Variants in SYCP2L observed in about 807,000 individuals in gnomAD.
The protein encoded by SYCP2L is synaptonemal complex protein 2 like.
SYCP2L carries 98 observed loss-of-function variants against 125.8 expected under a neutral mutation model. The observed-to-expected ratio is 0.78, with a 90% CI of 0.66 to 0.92. The LOEUF is 0.92. Among genes scored for constraint, SYCP2L ranks in the 40% least tolerant of loss-of-function variants. The pLI is 0.00. For synonymous variants in SYCP2L, 317 were observed against 325.4 expected, an observed-to-expected ratio of 0.97 and a Z score of 0.28; for missense variants, 842 against 936.4, an observed-to-expected ratio of 0.90 and a Z score of 1.32.
intron 6 of SYCP2L, among the ~76,000 whole-genome samples, chr6:10,901,177 G>T (rs1348188461): frequency 6.6e-6 from 1 of 151,966 alleles, no homozygotes; most frequent in Admixed American, 6.6e-5. Flanking sequence ...TTATTTTACC[G>T]GTAGTTACCC....
intron 28 of SYCP2L, among the ~76,000 whole-genome samples, chr6:10,961,783 T>G (rs1327676516): frequency 6.6e-6 from 1 of 152,204 alleles, no homozygotes; most frequent in Admixed American, 6.5e-5. Context: ...TTTTCTGTGT[T>G]TTTTTAAAAT....
At chr6:10,889,784 A>T (rs1341200421) in intron 1 of SYCP2L, among the ~76,000 whole-genome samples, 2 of 151,664 alleles carry the variant, frequency 1.3e-5, no homozygotes, top group African/African-American at 4.8e-5. Context: ...CCCTGCCCGG[A>T]TAATTTTCTA....
At chr6:10,969,941 G>A (rs1394140763) in intron 29 of SYCP2L, among the ~76,000 whole-genome samples, 3 of 152,178 alleles carry the variant, frequency 2.0e-5, no homozygotes, top group Non-Finnish European at 4.4e-5. Context: ...TCATTACTCA[G>A]TAAACAGCTA....
At chr6:10,910,108 GA>G (rs1169996838) in intron 10 of SYCP2L, 39 bp from the exon 11 acceptor site, 2 of 1,564,918 alleles carry the variant, frequency 1.3e-6, no homozygotes, top group Middle Eastern at 1.7e-4. Context: ...AAGACATCTT[GA>G]TTTTTTTTTA....
At chr6:10,958,208 T>G (rs60771755) in intron 25 of SYCP2L, among the ~76,000 whole-genome samples, 8,583 of 140,920 alleles carry the variant, frequency 0.061, 741 homozygotes, top group African/African-American at 0.2. Flanking sequence ...ACTGGATAAT[T>G]TATTTTTTTT....
In SYCP2L at chr6:10,905,418, G is replaced by A. The variant is rs193207355; in HGVS notation, c.642-602G>A. ...AGAGATTCTCCTGCCTCAGCCTCCC[G>A]AGTAGCTGGGAATACAGGCATGTGC... is the stretch of plus-strand genomic sequence containing the variant. On this transcript the variant is annotated intron_variant, in intron 8 of 29. Coordinates refer to ENST00000283141, the MANE Select transcript of SYCP2L (RefSeq NM_001040274.3). 6.6e-3 allele frequency among the ~76,000 whole-genome samples: 998 copies of A among 151,776 alleles called. 6 individuals carry two copies. Among genetic ancestry groups the A allele is most frequent in the African/African-American group, 0.022 (931 of 41,414 alleles).
chr6:10,970,742 G>A (rs1246614872), intron 29 of SYCP2L, among the ~76,000 whole-genome samples: 21 of 152,176 alleles, frequency 1.4e-4, no homozygotes, highest in Admixed American at 1.3e-3. Context: ...CATCTGAATG[G>A]CATTGTCATG....
chr6:10,889,181 G>C (rs1355582896), intron 1 of SYCP2L, among the ~76,000 whole-genome samples: 1 of 152,128 alleles, frequency 6.6e-6, no homozygotes, highest in Non-Finnish European at 1.5e-5. Flanking sequence ...TTTAATTGTA[G>C]CTTTAGCTGT....
rs1339655056 is a variant in SYCP2L, at chr6:10,954,751, A to C, written c.1955-365A>C. On this transcript the variant is annotated intron_variant, in intron 23 of 29. Transcript: ENST00000283141. The surrounding 1 kb of genome is among the most constrained non-coding windows in gnomAD (Gnocchi z 4.8). The stretch of plus-strand genomic sequence containing the variant: ...CGGGGTGTGAGCTGAAGCACTTCCA[A>C]AGGCCCATCTGCCTGGAAACCTTGC... Among the ~76,000 whole-genome samples the C allele has an allele frequency of 3.9e-5, 6 of 152,138 alleles. No individual in the cohort carries two copies. The highest frequency in any genetic ancestry group is 7.4e-5 in the Non-Finnish European group (5 of 68,020).
intron 14 of SYCP2L, among the ~76,000 whole-genome samples, chr6:10,921,472 G>A (rs1226502691): frequency 2.6e-5 from 4 of 152,088 alleles, no homozygotes; most frequent in African/African-American, 4.8e-5. Context: ...TTCCACAATG[G>A]TTGAACTAAT....
intron 26 of SYCP2L, 55 bp downstream of exon 26, chr6:10,958,930 G>A (rs773853953): frequency 2.9e-5 from 43 of 1,491,404 alleles, no homozygotes; most frequent in Middle Eastern, 3.4e-4. Flanking sequence ...CACCAACAGC[G>A]TTTATCTCAT....
At chr6:10,921,178 A>G (rs532668717) in intron 14 of SYCP2L, among the ~76,000 whole-genome samples, 208 of 152,272 alleles carry the variant, frequency 1.4e-3, no homozygotes, top group African/African-American at 4.7e-3. Flanking sequence ...GATGGCTTCA[A>G]GCTCCATCCA....
chr6:10,901,590 A>T (rs1312956597), intron 6 of SYCP2L, among the ~76,000 whole-genome samples: 1 of 152,188 alleles, frequency 6.6e-6, no homozygotes, highest in Admixed American at 6.5e-5. Context: ...CCTGCGCATC[A>T]GAGGGTGTTT....
At chr6:10,888,096 TTTTTTTTTTTTTTTTTTTG>T in intron 1 of SYCP2L, among the ~76,000 whole-genome samples, 3 of 77,298 alleles carry the variant, frequency 3.9e-5, no homozygotes, top group East Asian at 6.9e-4. Context: ...TTTTTTTTTT[TTTTTTTTTTTTTTTTTTTG>T]AGACGGAGTC....
At chr6:10,909,375 G>T (rs1023591909) in intron 10 of SYCP2L, among the ~76,000 whole-genome samples, 8 of 152,160 alleles carry the variant, frequency 5.3e-5, no homozygotes, top group Non-Finnish European at 5.9e-5. Context: ...TGATCTGCCC[G>T]CCTCGGCCTC....
chr6:10,891,421 T>A, intron 1 of SYCP2L, 92 bp from the exon 2 acceptor site: 2 of 103,750 alleles, frequency 1.9e-5, no homozygotes, highest in South Asian at 1.1e-4. Flanking sequence ...ACCTTTAATT[T>A]TTTTTTTTTT....
chr6:10,971,457 C>CAAA (rs564161444), intron 29 of SYCP2L, among the ~76,000 whole-genome samples: 52 of 99,318 alleles, frequency 5.2e-4, no homozygotes, highest in East Asian at 2.2e-3. Context: ...GACTCTGTCT[C>CAAA]AAAAAAAAAA....
At chr6:10,895,432 A>G (rs926490946) in intron 4 of SYCP2L, among the ~76,000 whole-genome samples, 2 of 152,186 alleles carry the variant, frequency 1.3e-5, no homozygotes, top group African/African-American at 4.8e-5. Flanking sequence ...CGGTTGGCTA[A>G]ACATTTCCTT....
chr6:10,887,252 C>T (rs1459417714), intron 1 of SYCP2L, 117 bp downstream of exon 1: 2 of 1,384,568 alleles, frequency 1.4e-6, no homozygotes, highest in Admixed American at 1.9e-5. Context: ...AGACCGGGTG[C>T]TGGGCATAGT....
Sources: allele counts gnomAD v4.1 joint callset (sites outside exome capture counted in the v4.1 genomes callset), GRCh38; gene constraint gnomAD v4.1.1; non-coding constraint Gnocchi (gnomAD v3.1); transcripts MANE v1.5; gene names NCBI Gene and HGNC (gene_info 2026-07-23, HGNC 2026-07-21).